The following TBK1 variants were observed in gnomAD, a reference collection of about 807,000 sequenced individuals.
TBK1 encodes TANK binding kinase 1, also known as serine/threonine-protein kinase TBK1.
TBK1 carries 37 observed loss-of-function variants against 99.9 expected under a neutral mutation model. That is an observed-to-expected ratio of 0.37 (90% confidence interval 0.28 to 0.49). The LOEUF is 0.49. TBK1 is among the 20% of genes least tolerant of loss of function. The pLI is 0.98. For synonymous variants in TBK1, 258 were observed against 279.8 expected (o/e 0.92, Z 0.78); for missense variants, 644 against 872.5 (o/e 0.74, Z 3.30).
intron 3 of TBK1, among the ~76,000 whole-genome samples, chr12:64,462,421 C>G (rs2040557198): frequency 6.6e-6 from 1 of 152,124 alleles, no homozygotes; most frequent in African/African-American, 2.4e-5. Flanking sequence ...TTAACATATA[C>G]AGTGTAATAT....
chr12:64,455,820 A>T lies in TBK1; in HGVS notation c.-31-20A>T, dbSNP rs776562243. The T allele has an allele frequency of 4.8e-6, 7 of 1,464,678 alleles. No individual in the cohort carries two copies. The highest frequency in any genetic ancestry group is 6.5e-6 in the Non-Finnish European group (7 of 1,069,486). The allele number at this position is 1,464,678 out of a possible 1,614,324, so 90.7% of individuals were successfully genotyped here. On this transcript the variant is annotated intron_variant, in intron 1 of 20. Transcript: ENST00000331710. ...TGTTACTCCCTTAAAACATAGTTGC[A>T]AATTTTTTTTTTCTCTTAGTATAAC...
chr12:64,483,086 C>T (rs991511071), intron 8 of TBK1, among the ~76,000 whole-genome samples: 2 of 152,162 alleles, frequency 1.3e-5, no homozygotes, highest in Non-Finnish European at 2.9e-5. Flanking sequence ...TTGTAAAAAG[C>T]TCACCCAGTG....
At chr12:64,488,720 A>G in intron 12 of TBK1, 132 bp downstream of exon 12, 1 of 678,584 alleles carries the variant, frequency 1.5e-6, no homozygotes. Context: ...GCGGCCTGGC[A>G]CGGTGGCTCA....
At chr12:64,485,632 C>T in intron 10 of TBK1, 119 bp downstream of exon 10, 1 of 515,456 alleles carries the variant, frequency 1.9e-6, no homozygotes, top group Non-Finnish European at 3.3e-6. Context: ...AAATTATTCA[C>T]TTAAATTGAT....
intron 5 of TBK1, among the ~76,000 whole-genome samples, chr12:64,467,926 G>A (rs1315730483): frequency 6.6e-6 from 1 of 152,174 alleles, no homozygotes; most frequent in African/African-American, 2.4e-5. Context: ...CAGACACAGT[G>A]GCTCATGCCT....
At chr12:64,485,761 A>T in intron 10 of TBK1, 165 bp from the exon 11 acceptor site, 1 of 448,312 alleles carries the variant, frequency 2.2e-6, no homozygotes, top group East Asian at 3.5e-5. Flanking sequence ...TAAGGATAAC[A>T]TATTTATTAT....
intron 11 of TBK1, among the ~76,000 whole-genome samples, chr12:64,486,556 T>C (rs2040822631): frequency 6.6e-6 from 1 of 151,844 alleles, no homozygotes; most frequent in Non-Finnish European, 1.5e-5. Flanking sequence ...CACCTCACCT[T>C]CCCAAGTACC....
chr12:64,469,210 T>C (rs2040637240), intron 5 of TBK1, among the ~76,000 whole-genome samples: 1 of 151,996 alleles, frequency 6.6e-6, no homozygotes, highest in Non-Finnish European at 1.5e-5. Context: ...TTCCTGAGAC[T>C]CTTGGCTGGA....
rs1284392865 is a variant in TBK1, at chr12:64,494,320, AAAG to A, written c.1522-1160_1522-1158del. 1.5e-3 allele frequency among the ~76,000 whole-genome samples: 216 copies of A among 146,786 alleles called. No homozygotes were observed. In the East Asian group the frequency reaches 0.016, roughly 11 times the overall value. ...TCTACCAAAAAAAAAAAAAGAAAAA[AAAG>A]AAAAAATTAGCAAGACGCAATAGCA... On this transcript the variant is annotated intron_variant, in intron 13 of 20. Transcript: ENST00000331710.
intron 4 of TBK1, among the ~76,000 whole-genome samples, chr12:64,466,367 G>T (rs1056856707): frequency 2.0e-5 from 3 of 152,070 alleles, no homozygotes; most frequent in African/African-American, 7.2e-5. Context: ...AAGAAAAAAT[G>T]GGCTTTTTGG....
chr12:64,474,173 T>G (rs531645837), intron 5 of TBK1, 57 bp from the exon 6 acceptor site: 569 of 1,494,314 alleles, frequency 3.8e-4, no homozygotes, highest in Non-Finnish European at 5.0e-4. Context: ...ATCCATTTGT[T>G]TGTATAATGA....
intron 4 of TBK1, among the ~76,000 whole-genome samples, chr12:64,465,282 A>G (rs2040592073): frequency 6.6e-6 from 1 of 151,266 alleles, no homozygotes; most frequent in Non-Finnish European, 1.5e-5. Context: ...TGGCAAGAAT[A>G]TGGAGAATTG....
chr12:64,498,955 C>CA (rs200634833), intron 20 of TBK1, among the ~76,000 whole-genome samples: 25,079 of 104,434 alleles, frequency 0.24, 2,690 homozygotes, highest in East Asian at 0.32. Flanking sequence ...GACCCTGTTT[C>CA]AAAAAAAAAA....
chr12:64,472,204 C>T (rs777872430), intron 5 of TBK1, among the ~76,000 whole-genome samples: 5 of 151,680 alleles, frequency 3.3e-5, no homozygotes, highest in Non-Finnish European at 7.4e-5. Context: ...TCTGATTTCT[C>T]ATTAAAATGT....
At chr12:64,481,440 A>G (rs1401388356) in intron 7 of TBK1, among the ~76,000 whole-genome samples, 1 of 152,184 alleles carries the variant, frequency 6.6e-6, no homozygotes, top group Non-Finnish European at 1.5e-5. Context: ...AGTACTACAA[A>G]TCAGCCGTGA....
At chr12:64,490,298 T>C (rs1009716350) in intron 13 of TBK1, among the ~76,000 whole-genome samples, 179 bp downstream of exon 13, 1 of 152,100 alleles carries the variant, frequency 6.6e-6, no homozygotes, top group Non-Finnish European at 1.5e-5. Context: ...CAACGAGTTA[T>C]GATGGTGCCA....
Position 64,501,540 on chromosome 12 carries a change from A to G in TBK1, c.*159A>G. ...TATTGTAAATACATAAAAAATATACAAATTTTTGGCTGCTGTGAAGATGTA... is the reference window on the plus strand; with the variant it reads ...TATTGTAAATACATAAAAAATATACGAATTTTTGGCTGCTGTGAAGATGTA... On this transcript the variant is annotated 3_prime_UTR_variant, in exon 21 of 21. Transcript: ENST00000331710. 1 of 688,846 alleles carries G rather than the reference A, an allele frequency of 1.5e-6. No homozygotes were observed. The highest frequency in any genetic ancestry group is 2.4e-5 in the South Asian group (1 of 42,544). The allele number at this position is 688,846 out of a possible 1,614,324, so 42.7% of individuals were successfully genotyped here. A position where few individuals can be genotyped will look rare whatever the true frequency, so the allele number is the denominator to read the frequency against.
At chr12:64,471,325 C>T (rs989364804) in intron 5 of TBK1, among the ~76,000 whole-genome samples, 1 of 151,158 alleles carries the variant, frequency 6.6e-6, no homozygotes, top group African/African-American at 2.4e-5. Flanking sequence ...CACACCACCA[C>T]ACCTGGCTAA....
intron 9 of TBK1, among the ~76,000 whole-genome samples, chr12:64,485,087 C>G (rs1249687658): frequency 1.3e-5 from 2 of 151,870 alleles, no homozygotes; most frequent in Non-Finnish European, 2.9e-5. Flanking sequence ...GCTTTAGAGT[C>G]TAAGAAAAAT....
Sources: allele counts gnomAD v4.1 joint callset (sites outside exome capture counted in the v4.1 genomes callset), GRCh38; gene constraint gnomAD v4.1.1; transcripts MANE v1.5; gene names NCBI Gene and HGNC (gene_info 2026-07-23, HGNC 2026-07-21).